Variants in MYH14 observed in about 807,000 individuals in gnomAD.
The protein encoded by MYH14 is myosin heavy chain 14, also known as myosin-14.
A neutral mutation model predicts 255.5 loss-of-function variants in MYH14; 123 were observed. The ratio of observed to expected loss-of-function variants is 0.48; its 90% CI spans 0.42 to 0.56. The LOEUF (loss-of-function observed/expected upper bound fraction) is 0.56. MYH14 is among the 20% of genes least tolerant of loss of function. The pLI is 0.00. For synonymous variants in MYH14, 1,095 were observed against 1,161.2 expected (o/e 0.94, Z 1.16); for missense variants, 2,423 against 2,802.3 (o/e 0.86, Z 3.06).
intron 19 of MYH14, among the ~76,000 whole-genome samples, 167 bp from the exon 20 acceptor site, chr19:50,260,479 C>T (rs1009878125): frequency 3.3e-5 from 5 of 152,122 alleles, no homozygotes; most frequent in Non-Finnish European, 5.9e-5. Context: ...ATGTTGCTGT[C>T]CTTGGTGGTG....
At chr19:50,306,975 A>T in intron 40 of MYH14, 74 bp from the exon 41 acceptor site, 1 of 1,069,312 alleles carries the variant, frequency 9.4e-7, no homozygotes, top group Non-Finnish European at 1.4e-6. Flanking sequence ...GGTGACAGCC[A>T]CTGCATGAGT....
intron 10 of MYH14, among the ~76,000 whole-genome samples, chr19:50,238,511 G>A (rs1258443936): frequency 1.3e-5 from 2 of 152,094 alleles, no homozygotes; most frequent in African/African-American, 4.8e-5. Flanking sequence ...GAGTGCGGTG[G>A]TGTGATCTCA....
At position 50,258,731 on chromosome 19, in the gene MYH14, A is replaced by AAAAC. The variant is rs1555767729; in HGVS notation, c.2233-410_2233-409insCAAA. 617 of 140,594 alleles carry AAAAC rather than the reference A, an allele frequency of 4.4e-3. 6 individuals carry two copies. Among genetic ancestry groups the AAAAC allele is most frequent in the East Asian group, 0.022 (105 of 4,676 alleles). 8.7% of individuals were successfully genotyped at this position (140,594 alleles called of 1,614,324 possible). A position where few individuals can be genotyped will look rare whatever the true frequency, so the allele number is the denominator to read the frequency against. On this transcript the variant is annotated intron_variant, in intron 18 of 42. Coordinates refer to ENST00000642316, the MANE Select transcript of MYH14 (RefSeq NM_001145809.2). ...AGCAAGACTCTGTCTCAAAAAAAAA[A>AAAAC]AAAAAAAAAAAAACGAACAAACAAA...
intron 1 of MYH14, 112 bp from the exon 2 acceptor site, chr19:50,210,251 G>T (rs767176082): frequency 3.2e-4 from 315 of 987,366 alleles, no homozygotes; most frequent in Non-Finnish European, 4.1e-4. Context: ...AGTATGGCAA[G>T]AGGTCTGGTA....
rs765339939 is a variant in MYH14, at chr19:50,217,756, C to G, written c.547C>G (p.Arg183Gly). 3.1e-6 allele frequency: 5 copies of G among 1,613,710 alleles called. No individual in the cohort carries two copies. The highest frequency in any genetic ancestry group is 4.2e-6 in the Non-Finnish European group (5 of 1,179,866). ...GTACGCAGTGACCGAGGGGGCCTAT[C>G]GGAGCATGCTGCAGGGTGAGTGCTG... ...HVYAVTEGAY[R>G]SMLQDREDQS... The change falls in exon 3 of 43, where the codon CGG becomes GGG. Residue 183 changes from arginine to glycine, a missense_variant. Physicochemically the swap from Arg to Gly is moderately radical, Grantham distance 125 (BLOSUM62 -2). Around this residue, in one of 3 missense-constraint regions of MYH14, gnomAD observed 672 missense variants for 881.8 expected, o/e 0.76. Transcript: ENST00000642316.
intron 7 of MYH14, 71 bp downstream of exon 7, chr19:50,225,748 AG>A: frequency 9.6e-7 from 1 of 1,047,100 alleles, no homozygotes; most frequent in South Asian, 1.3e-5. Flanking sequence ...GGTGGGCTTC[AG>A]GGGGAAAGAC....
At chr19:50,219,919 G>A (rs1568469692) in intron 3 of MYH14, among the ~76,000 whole-genome samples, 1 of 151,592 alleles carries the variant, frequency 6.6e-6, no homozygotes, top group South Asian at 2.1e-4. Context: ...ACATATAATA[G>A]GCCAGGGGCG....
chr19:50,278,398 C>A, intron 30 of MYH14, 109 bp downstream of exon 30: 1 of 780,128 alleles, frequency 1.3e-6, no homozygotes, highest in Non-Finnish European at 1.9e-6. Context: ...TCGTTTGGCT[C>A]TTCCAACATA....
chr19:50,260,515 G>A (rs2034783315), intron 19 of MYH14, 131 bp from the exon 20 acceptor site: 1 of 661,202 alleles, frequency 1.5e-6, no homozygotes, highest in Non-Finnish European at 2.8e-6. Context: ...TGTGAGTTTT[G>A]TGACTGTCCT....
intron 40 of MYH14, among the ~76,000 whole-genome samples, chr19:50,305,001 CAG>C (rs896022066): frequency 7.2e-5 from 11 of 152,078 alleles, no homozygotes; most frequent in Non-Finnish European, 1.5e-4. Context: ...ATCAGGGAGA[CAG>C]GGAGGTAAAT....
chr19:50,271,757 A>G lies in MYH14; in HGVS notation c.3172-92A>G. On this transcript the variant is annotated intron_variant, in intron 25 of 42. Coordinates refer to ENST00000642316, the MANE Select transcript of MYH14 (RefSeq NM_001145809.2). ...GAAGGGTGAAAAGGAGCAGAAACATAGATGAGAACAACACCAGAAGCTGCA... is the reference window on the plus strand; with the variant it reads ...GAAGGGTGAAAAGGAGCAGAAACATGGATGAGAACAACACCAGAAGCTGCA... The G allele has an allele frequency of 9.6e-6, 15 of 1,562,382 alleles. No individual in the cohort carries two copies. In the South Asian group the frequency reaches 1.7e-4, roughly 17 times the overall value.
chr19:50,249,661 C>T lies in MYH14; in HGVS notation c.1494C>T (p.Phe498=), dbSNP rs1326232209. The change falls in exon 14 of 43, where the codon TTC becomes TTT. Residue 498 remains phenylalanine (F), a synonymous_variant. Transcript: ENST00000642316. The part of the protein sequence containing the change: ...AGFEIFQLNS[F]EQLCINYTNE... ...CTGCGTCCCTGCAGCTGAACTCCTT[C>T]GAGCAGCTCTGCATCAACTACACCA... 5.6e-6 allele frequency: 9 copies of T among 1,614,182 alleles called. No homozygotes were observed. The highest frequency in any genetic ancestry group is 4.0e-5 in the African/African-American group (3 of 75,054).
intron 24 of MYH14, 68 bp from the exon 25 acceptor site, chr19:50,271,340 TC>T: frequency 6.6e-7 from 1 of 1,525,664 alleles, no homozygotes; most frequent in Non-Finnish European, 8.9e-7. Context: ...CCATCCCCGC[TC>T]CCATCCTTCC....
intron 24 of MYH14, among the ~76,000 whole-genome samples, chr19:50,269,363 G>T (rs2035211432): frequency 6.6e-6 from 1 of 152,012 alleles, no homozygotes. Context: ...TTTATTTTTA[G>T]TAGAGACAGG....
chr19:50,271,076 T>A (rs192460068), intron 24 of MYH14, among the ~76,000 whole-genome samples: 12 of 152,266 alleles, frequency 7.9e-5, no homozygotes, highest in Admixed American at 7.9e-4. Context: ...GTGTTCCTTT[T>A]TTTTTTCAGA....
rs368190437 is a variant in MYH14 at position 50,276,108 on chromosome 19, G to A, written c.3585G>A (p.Ala1195=). Residue 1195 remains alanine, a synonymous_variant, in exon 28 of 43, where the codon GCG becomes GCA. Transcript: ENST00000642316. The surrounding 1 kb of genome is among the most constrained non-coding windows in gnomAD (Gnocchi z 4.3). The stretch of plus-strand genomic sequence containing the variant: ...CTGAGCGTGTGGCCAGGACCAAGGC[G>A]GAGAAGCAGCGCCGGGACCTGGGCG... The part of the protein sequence containing the change: ...LESERVARTK[A]EKQRRDLGEE... 4.5e-5 allele frequency: 73 copies of A among 1,605,348 alleles called. No individual in the cohort carries two copies. The Middle Eastern group carries it at 5.4e-4, about 12-fold the overall frequency.
At chr19:50,296,272 T>TA (rs2036263112) in intron 39 of MYH14, among the ~76,000 whole-genome samples, 1 of 151,994 alleles carries the variant, frequency 6.6e-6, no homozygotes, top group Non-Finnish European at 1.5e-5. Flanking sequence ...TGAGTATCCC[T>TA]ATATCCACGT....
intron 13 of MYH14, 110 bp downstream of exon 13, chr19:50,249,249 T>C: frequency 7.9e-7 from 1 of 1,264,256 alleles, no homozygotes; most frequent in Non-Finnish European, 1.1e-6. Flanking sequence ...CCTCTCTCTC[T>C]CTGAGTCTCT....
At chr19:50,238,334 G>A (rs1349860046) in intron 10 of MYH14, among the ~76,000 whole-genome samples, 1 of 152,228 alleles carries the variant, frequency 6.6e-6, no homozygotes, top group Non-Finnish European at 1.5e-5. Context: ...GGCCATTGAT[G>A]GAAGCCAGGT....
Sources: allele counts gnomAD v4.1 joint callset (sites outside exome capture counted in the v4.1 genomes callset), GRCh38; gene constraint gnomAD v4.1.1; regional missense constraint gnomAD v4.1.1; non-coding constraint Gnocchi (gnomAD v3.1); transcripts MANE v1.5; gene names NCBI Gene and HGNC (gene_info 2026-07-23, HGNC 2026-07-21).